Variants in MAST4 observed in about 807,000 individuals in gnomAD.
The protein encoded by MAST4 is microtubule associated serine/threonine kinase family member 4.
MAST4 carries 89 observed loss-of-function variants against 162.7 expected under a neutral mutation model. The observed-to-expected ratio is 0.55, with a 90% CI of 0.46 to 0.65. MAST4 has a LOEUF of 0.65. MAST4 is among the 30% of genes least tolerant of loss of function. MAST4 has a pLI of 0.00. For missense variants in MAST4, 3,153 were observed against 3,374.0 expected (o/e 0.93, Z 1.62); for synonymous variants, 1,479 against 1,361.1 (o/e 1.09, Z -1.91).
chr5:66,684,641 T>A (rs1281651450), intron 1 of MAST4, among the ~76,000 whole-genome samples: 1 of 152,236 alleles, frequency 6.6e-6, no homozygotes, highest in Non-Finnish European at 1.5e-5. Flanking sequence ...GTCACATGTC[T>A]AATTAATCAC....
chr5:66,636,004 C>A (rs1745099094), intron 1 of MAST4, among the ~76,000 whole-genome samples: 1 of 115,592 alleles, frequency 8.7e-6, no homozygotes, highest in Non-Finnish European at 1.6e-5. Context: ...TGTCACCAGG[C>A]TAGAGTGCAG....
intron 4 of MAST4, among the ~76,000 whole-genome samples, chr5:66,985,802 A>G (rs1406673775): frequency 6.6e-6 from 1 of 152,198 alleles, no homozygotes; most frequent in Non-Finnish European, 1.5e-5. Flanking sequence ...TTGAATTAGA[A>G]AAAATAAAAT....
intron 4 of MAST4, among the ~76,000 whole-genome samples, chr5:66,940,383 T>C (rs1370358874): frequency 6.6e-6 from 1 of 152,196 alleles, no homozygotes; most frequent in Admixed American, 6.5e-5. Context: ...TAGCATTTTA[T>C]CCACAGTATA....
chr5:66,649,982 T>C (rs1580102962), intron 1 of MAST4, among the ~76,000 whole-genome samples: 2 of 152,314 alleles, frequency 1.3e-5, no homozygotes, highest in African/African-American at 2.4e-5. Context: ...ATTCACCTTT[T>C]TTTTTTCTTT....
chr5:67,001,094 A>C (rs1375739005), intron 4 of MAST4, among the ~76,000 whole-genome samples: 3 of 152,252 alleles, frequency 2.0e-5, no homozygotes, highest in Admixed American at 6.5e-5. Flanking sequence ...TATAGTCTTA[A>C]GAATTTCCAG....
At chr5:66,641,168 A>T (rs953602000) in intron 1 of MAST4, among the ~76,000 whole-genome samples, 1 of 151,758 alleles carries the variant, frequency 6.6e-6, no homozygotes, top group African/African-American at 2.4e-5. Context: ...TTAATTTTTT[A>T]TTTTTTGAGA....
intron 2 of MAST4, 64 bp from the exon 3 acceptor site, chr5:66,788,606 C>CCCAAGCAAAAAAAAAAAAAA: frequency 2.9e-6 from 4 of 1,356,384 alleles, no homozygotes; most frequent in Non-Finnish European, 3.1e-6. Context: ...ACCCCCACCC[C>CCCAAGCAAAAAAAAAAAAAA]CATTGCAATA....
At chr5:66,907,468 C>T (rs1259529748) in intron 4 of MAST4, among the ~76,000 whole-genome samples, 1 of 152,090 alleles carries the variant, frequency 6.6e-6, no homozygotes, top group Non-Finnish European at 1.5e-5. Context: ...TGGCTGTCTC[C>T]TGTCTCAATC....
intron 5 of MAST4, among the ~76,000 whole-genome samples, chr5:67,078,758 TTATC>T (rs1310868042): frequency 3.7e-5 from 5 of 133,366 alleles, no homozygotes; most frequent in East Asian, 2.1e-4. Context: ...TTATTTATAT[TTATC>T]TAAATATATA....
chr5:67,165,140 T>A lies in MAST4; in HGVS notation c.5961T>A (p.Ala1987=). ...CCACAGCCAGAAGCGAGCGCTCTGCTGCGAGGGCTGACACATGCAGAGAGC... is the reference window on the plus strand; with the variant it reads ...CCACAGCCAGAAGCGAGCGCTCTGCAGCGAGGGCTGACACATGCAGAGAGC... The part of the protein sequence containing the change: ...GPPTARSERS[A]ARADTCREPS... The change falls in exon 29 of 29, where the codon GCT becomes GCA. Residue 1987 remains alanine, a synonymous_variant. Transcript: ENST00000403625. 1 of 1,591,496 alleles carries A rather than the reference T, an allele frequency of 6.3e-7. No individual in the cohort carries two copies. Among genetic ancestry groups the A allele is most frequent in the Non-Finnish European group, 8.6e-7 (1 of 1,168,844 alleles).
intron 5 of MAST4, among the ~76,000 whole-genome samples, chr5:67,069,336 G>T (rs1760647186): frequency 8.4e-6 from 1 of 119,436 alleles, no homozygotes. Context: ...TTCCTTCTAA[G>T]GCTGTACCTT....
intron 4 of MAST4, among the ~76,000 whole-genome samples, chr5:67,000,226 A>G (rs1359020088): frequency 6.6e-6 from 1 of 152,202 alleles, no homozygotes; most frequent in Non-Finnish European, 1.5e-5. Context: ...TTTAGGGCAA[A>G]ATCCTTAGAA....
Position 66,866,916 on chromosome 5 carries a change from T to TTTTG in MAST4, c.643-33011_643-33008dup, listed in dbSNP as rs36034288. On this transcript the variant is annotated intron_variant, in intron 3 of 28. Transcript: ENST00000403625. ...AGGCGTGGGCTACCACGGCAGGCTT[T>TTTTG]TTTGTTTGTTTGTTTGTTTGTTTGT... Among the ~76,000 whole-genome samples, 328 of 150,762 alleles carry TTTTG rather than the reference T, an allele frequency of 2.2e-3. 1 individual carries two copies. Among genetic ancestry groups the TTTTG allele is most frequent in the East Asian group, 0.014 (71 of 5,090 alleles).
At chr5:66,814,095 C>T (rs1756607525) in intron 3 of MAST4, among the ~76,000 whole-genome samples, 1 of 152,196 alleles carries the variant, frequency 6.6e-6, no homozygotes, top group African/African-American at 2.4e-5. Flanking sequence ...GGCCACTTCT[C>T]AGGAGCAGAC....
At chr5:66,935,059 G>A (rs1742591008) in intron 4 of MAST4, among the ~76,000 whole-genome samples, 1 of 152,138 alleles carries the variant, frequency 6.6e-6, no homozygotes, top group East Asian at 1.9e-4. Flanking sequence ...TGGGAATTGT[G>A]GAAATAGGAC....
intron 1 of MAST4, among the ~76,000 whole-genome samples, chr5:66,598,866 C>T (rs1443581384): frequency 6.6e-6 from 1 of 152,136 alleles, no homozygotes; most frequent in African/African-American, 2.4e-5. Context: ...TGCCTGGCCT[C>T]AGGGTGACAG....
chr5:67,163,747 C>G lies in MAST4; in HGVS notation c.4568C>G (p.Ser1523Cys). The change falls in exon 29 of 29, where the codon TCT becomes TGT. Residue 1523 changes from serine (S) to cysteine (C), a missense_variant. Ser to Cys is a moderately radical substitution (Grantham distance 112). Coordinates refer to ENST00000403625, the MANE Select transcript of MAST4 (RefSeq NM_001164664.2). The surrounding 1 kb of genome is among the most constrained non-coding windows in gnomAD (Gnocchi z 7.0). The stretch of plus-strand genomic sequence containing the variant: ...TCCCGGAAGGTGGGCCGCCAGGAGT[C>G]TGTGGACGACCTGGACCGCGACAAG... ...PVSRKVGRQE[S>C]VDDLDRDKLK... The G allele has an allele frequency of 6.2e-7, 1 of 1,609,772 alleles. No homozygotes were observed. Among genetic ancestry groups the G allele is most frequent in the Non-Finnish European group, 8.5e-7 (1 of 1,178,196 alleles).
chr5:66,669,529 C>T (rs936340544), intron 1 of MAST4, among the ~76,000 whole-genome samples: 4 of 152,180 alleles, frequency 2.6e-5, no homozygotes, highest in African/African-American at 9.7e-5. Context: ...CATTCTCCCT[C>T]CTGGGCTCAG....
chr5:66,972,303 T>C (rs1288487281), intron 4 of MAST4, among the ~76,000 whole-genome samples: 1 of 152,216 alleles, frequency 6.6e-6, no homozygotes, highest in Non-Finnish European at 1.5e-5. Flanking sequence ...TTTCATGGAT[T>C]CTTAGGCTTT....
Sources: gnomAD v4.1 joint callset for allele counts (sites outside exome capture counted in the v4.1 genomes callset) on GRCh38, gnomAD v4.1.1 for gene constraint, Gnocchi (gnomAD v3.1) non-coding constraint, MANE v1.5 for transcripts, NCBI Gene and HGNC (gene_info 2026-07-23, HGNC 2026-07-21) for gene names.